Variants in CACNA2D4 observed in about 807,000 individuals in gnomAD.
The protein encoded by CACNA2D4 is calcium voltage-gated channel auxiliary subunit alpha2delta 4.
A neutral mutation model predicts 163.8 loss-of-function variants in CACNA2D4; 157 were observed. That is an observed-to-expected ratio of 0.96 (90% confidence interval 0.84 to 1.09). The LOEUF is 1.09. CACNA2D4 is among the 50% of genes least tolerant of loss of function. The pLI is 0.00. For missense variants in CACNA2D4, 1,410 were observed against 1,479.9 expected, an observed-to-expected ratio of 0.95 and a Z score of 0.78; for synonymous variants, 598 against 586.9, an observed-to-expected ratio of 1.02 and a Z score of -0.27.
rs1019497103 is a variant in CACNA2D4 at position 1,844,682 on chromosome 12, C to T, written c.2343-153G>A. On this transcript the variant is annotated intron_variant, in intron 24 of 37. Coordinates refer to ENST00000382722, the MANE Select transcript of CACNA2D4 (RefSeq NM_172364.5). The surrounding 1 kb of genome is among the most constrained non-coding windows in gnomAD (Gnocchi z 4.2). ...CCAGACAATGCTTCCCAGCAATTCT[C>T]GCCTTTTCCAGAAACAAAACGATGT... is the stretch of plus-strand genomic sequence containing the variant. Among the ~76,000 whole-genome samples, 44 of 152,234 alleles carry T rather than the reference C, an allele frequency of 2.9e-4. No homozygotes were observed. The highest frequency in any genetic ancestry group is 1.0e-3 in the African/African-American group (42 of 41,458).
At chr12:1,818,223 G>A (rs970315104) in intron 26 of CACNA2D4, among the ~76,000 whole-genome samples, 4 of 151,714 alleles carry the variant, frequency 2.6e-5, no homozygotes, top group Non-Finnish European at 5.9e-5. Flanking sequence ...GCCCCTACTG[G>A]GAAGTGAGGA....
At position 1,829,974 on chromosome 12, in the gene CACNA2D4, C is replaced by T. The variant is rs147767970; in HGVS notation, c.2551+10765G>A. On this transcript the variant is annotated intron_variant, in intron 26 of 37. Transcript: ENST00000382722. This position sits in a 1 kb window ranked among gnomAD's most constrained non-coding sequence, Gnocchi z 4.2. ...CTGCTGCATAATGGAAGGCACTGCT[C>T]TGATGTGATTGTTCCCTGAGGGTTA... Among the ~76,000 whole-genome samples the T allele has an allele frequency of 6.6e-6, 1 of 152,306 alleles. No individual in the cohort carries two copies. Among genetic ancestry groups the T allele is most frequent in the Non-Finnish European group, 1.5e-5 (1 of 68,018 alleles).
At position 1,884,260 on chromosome 12, in the gene CACNA2D4, A is replaced by G. The variant is rs747273334; in HGVS notation, c.1334T>C (p.Ile445Thr). 6.2e-7 allele frequency: 1 copy of G among 1,612,286 alleles called. No individual in the cohort carries two copies. Among genetic ancestry groups the G allele is most frequent in the Non-Finnish European group, 8.5e-7 (1 of 1,179,396 alleles). The change falls in exon 12 of 38, where the codon ATT (isoleucine) becomes ACT (threonine). Residue 445 changes from isoleucine to threonine, a missense_variant. Physicochemically the swap from Ile to Thr is moderately conservative, Grantham distance 89 (BLOSUM62 -1). Transcript: ENST00000382722. ...EVSFADRMKW[I>T]ACNNKGYYTQ... is the part of the protein sequence containing the mutation. ...GCACTCACCTTTGTTGTTGCATGCA[A>G]TCCACTTCATGCGGTCAGCAAAAGA...
Position 1,840,815 on chromosome 12 carries a change from A to G in CACNA2D4, c.2475T>C (p.Ser825=). ...FNLRWAEGPE[S]AGEPMVVTAS... ...CCGTCACCACCATGGGTTCACCCGC[A>G]CTTTCTGGGGAAACAGAGACAACCC... The change falls in exon 26 of 38, where the codon AGT becomes AGC. Residue 825 remains serine, a synonymous_variant. Coordinates refer to ENST00000382722, the MANE Select transcript of CACNA2D4 (RefSeq NM_172364.5). 2.5e-6 allele frequency: 4 copies of G among 1,605,990 alleles called. No individual in the cohort carries two copies. The highest frequency in any genetic ancestry group is 3.4e-6 in the Non-Finnish European group (4 of 1,178,410).
At chr12:1,909,131 A>G (rs1415385046) in intron 4 of CACNA2D4, among the ~76,000 whole-genome samples, 1 of 152,156 alleles carries the variant, frequency 6.6e-6, no homozygotes, top group Non-Finnish European at 1.5e-5. Flanking sequence ...CAGCCTCTGG[A>G]CACACAGGGC....
chr12:1,852,963 G>T (rs1289017846), intron 23 of CACNA2D4, among the ~76,000 whole-genome samples: 1 of 152,068 alleles, frequency 6.6e-6, no homozygotes, highest in African/African-American at 2.4e-5. Flanking sequence ...GGATCAAATG[G>T]GTTATATACA....
rs143204027 is a variant in CACNA2D4 at position 1,838,330 on chromosome 12, C to T, written c.2551+2409G>A. Reference sequence around the variant, plus strand: ...CTTCCCCTCGAGCTCGGTGCGCAATCGTCACCATACAGCCCCCACCACAGA... The same window carrying T: ...CTTCCCCTCGAGCTCGGTGCGCAATTGTCACCATACAGCCCCCACCACAGA... On this transcript the variant is annotated intron_variant, in intron 26 of 37. Transcript: ENST00000382722. Among the ~76,000 whole-genome samples the T allele has an allele frequency of 2.6e-4, 40 of 152,238 alleles. 1 individual carries two copies. Among genetic ancestry groups the T allele is most frequent in the Middle Eastern group, 3.4e-3 (1 of 294 alleles).
chr12:1,886,446 A>G, intron 7 of CACNA2D4, 73 bp from the exon 8 acceptor site: 2 of 1,438,810 alleles, frequency 1.4e-6, no homozygotes, highest in Non-Finnish European at 1.9e-6. Context: ...AGGGGTCTGC[A>G]GTTATTTCTG....
chr12:1,860,950 C>T (rs1463503873), intron 18 of CACNA2D4, among the ~76,000 whole-genome samples: 4 of 152,158 alleles, frequency 2.6e-5, no homozygotes, highest in Admixed American at 6.5e-5. Flanking sequence ...TACTTCACTT[C>T]GAGTTCTCAT....
intron 18 of CACNA2D4, among the ~76,000 whole-genome samples, chr12:1,864,814 T>C (rs115016506): frequency 0.042 from 6,449 of 152,314 alleles, 444 homozygotes; most frequent in African/African-American, 0.14. Flanking sequence ...GAATTGCCGA[T>C]GGCTGCCCGC....
chr12:1,886,046 T>G lies in CACNA2D4; in HGVS notation c.994-7A>C. 1 of 1,605,028 alleles carries G rather than the reference T, an allele frequency of 6.2e-7. No homozygotes were observed. Among genetic ancestry groups the G allele is most frequent in the Non-Finnish European group, 8.5e-7 (1 of 1,171,842 alleles). ...AATGGACGTAGTCATTGTACTGCAG[T>G]TGCAGTGAGTTGAGGGGAGGTGGGG... On this transcript the variant is annotated splice_region_variant and splice_polypyrimidine_tract_variant and intron_variant, in intron 8 of 37. Coordinates refer to ENST00000382722, the MANE Select transcript of CACNA2D4 (RefSeq NM_172364.5).
At chr12:1,877,869 C>A (rs1355599668) in intron 16 of CACNA2D4, among the ~76,000 whole-genome samples, 1 of 152,198 alleles carries the variant, frequency 6.6e-6, no homozygotes, top group Non-Finnish European at 1.5e-5. Context: ...GAAAATACCC[C>A]AGCCTCTGTG....
rs945855177 is a variant in CACNA2D4 at position 1,828,239 on chromosome 12, G to T, written c.2551+12500C>A. 6.5e-6 allele frequency: 10 copies of T among 1,527,724 alleles called. No individual in the cohort carries two copies. Among genetic ancestry groups the T allele is most frequent in the Non-Finnish European group, 8.8e-6 (10 of 1,134,672 alleles). The allele number at this position is 1,527,724 out of a possible 1,614,324, so 94.6% of individuals were successfully genotyped here. On this transcript the variant is annotated intron_variant, in intron 26 of 37. Coordinates refer to ENST00000382722, the MANE Select transcript of CACNA2D4 (RefSeq NM_172364.5). This position sits in a 1 kb window ranked among gnomAD's most constrained non-coding sequence, Gnocchi z 4.2. ...CTGTGAGTACACCCCTGGCCTCGGA[G>T]GGGGGTGCGGGTTGGGTGGGGGTGC...
chr12:1,879,331 A>T (rs975757023), intron 14 of CACNA2D4, among the ~76,000 whole-genome samples: 1 of 152,184 alleles, frequency 6.6e-6, no homozygotes, highest in African/African-American at 2.4e-5. Context: ...GGGCGAAGTT[A>T]TCGGGATCTC....
intron 26 of CACNA2D4, among the ~76,000 whole-genome samples, chr12:1,817,717 C>T (rs994019847): frequency 2.6e-5 from 4 of 151,750 alleles, no homozygotes; most frequent in African/African-American, 7.3e-5. Context: ...AGCTCCTAAC[C>T]GCGAGTGATC....
intron 13 of CACNA2D4, among the ~76,000 whole-genome samples, chr12:1,882,519 C>T (rs1176375499): frequency 6.9e-6 from 1 of 144,708 alleles, no homozygotes; most frequent in Non-Finnish European, 1.5e-5. Flanking sequence ...TTGGTCTGAC[C>T]CCTTTCTGTC....
intron 31 of CACNA2D4, 51 bp downstream of exon 31, chr12:1,800,992 G>C: frequency 1.9e-6 from 3 of 1,541,506 alleles, no homozygotes; most frequent in Admixed American, 3.3e-5. Context: ...CCAGGACAGG[G>C]CAGAGGACTG....
In CACNA2D4 at chr12:1,914,899, C is replaced by A; in HGVS notation, c.264G>T (p.Leu88=). The A allele has an allele frequency of 6.2e-7, 1 of 1,613,834 alleles. No individual in the cohort carries two copies. The highest frequency in any genetic ancestry group is 8.5e-7 in the Non-Finnish European group (1 of 1,179,762). The part of the protein sequence containing the change: ...KLWADTFGGD[L]YNTVTKYSGS... ...CTGAGTATTTGGTCACAGTGTTATA[C>A]AGGTCCCCGCCGAAGGTGTCAGCCC... The change falls in exon 2 of 38, where the codon CTG becomes CTT. Residue 88 remains leucine, a synonymous_variant. Coordinates refer to ENST00000382722, the MANE Select transcript of CACNA2D4 (RefSeq NM_172364.5).
intron 18 of CACNA2D4, among the ~76,000 whole-genome samples, chr12:1,867,979 G>T (rs1382603424): frequency 1.3e-5 from 2 of 152,158 alleles, no homozygotes; most frequent in African/African-American, 4.8e-5. Context: ...TGTAGACAAG[G>T]GTGTGAAGAA....
Sources: allele counts gnomAD v4.1 joint callset (sites outside exome capture counted in the v4.1 genomes callset), GRCh38; gene constraint gnomAD v4.1.1; non-coding constraint Gnocchi (gnomAD v3.1); transcripts MANE v1.5; gene names NCBI Gene and HGNC (gene_info 2026-07-23, HGNC 2026-07-21).